Variants in FGFR3 observed in about 807,000 individuals in gnomAD.
FGFR3 encodes the protein FGFR-3.
Under a neutral mutation model 82.9 loss-of-function variants are expected in FGFR3, and 25 were observed. The ratio of observed to expected loss-of-function variants is 0.30; its 90% CI spans 0.22 to 0.42. The LOEUF is 0.42. Ranked by LOEUF, FGFR3 falls within the 10% of genes least tolerant of loss-of-function variation. FGFR3 has a pLI of 1.00. For missense variants in FGFR3, 1,026 were observed against 1,161.0 expected (o/e 0.88, Z 1.69); for synonymous variants, 620 against 516.0 (o/e 1.20, Z -2.73).
intron 14 of FGFR3, 27 bp downstream of exon 14, chr4:1,806,200 T>TG (rs747252309): frequency 6.2e-7 from 1 of 1,611,996 alleles, no homozygotes; most frequent in Admixed American, 1.7e-5. Context: ...GGTGCGGGGG[T>TG]GGGGGTCATG....
intron 2 of FGFR3, among the ~76,000 whole-genome samples, chr4:1,798,580 C>T (rs1488343922): frequency 7.3e-5 from 11 of 151,322 alleles, no homozygotes; most frequent in Non-Finnish European, 1.5e-5. Context: ...TGTGCTCTGA[C>T]CGGTGAACCC....
At position 1,806,868 on chromosome 4, in the gene FGFR3, C is replaced by G; in HGVS notation, c.2208C>G (p.Ser736=). The G allele has an allele frequency of 6.2e-7, 1 of 1,611,754 alleles. No individual in the cohort carries two copies. Among genetic ancestry groups the G allele is most frequent in the Non-Finnish European group, 8.5e-7 (1 of 1,179,606 alleles). Residue 736 remains serine (S), a synonymous_variant, in exon 17 of 18, where the codon TCC becomes TCG. Coordinates refer to ENST00000440486, the MANE Select transcript of FGFR3 (RefSeq NM_000142.5). ...IMRECWHAAP[S]QRPTFKQLVE... ...GGGAGTGCTGGCATGCCGCGCCCTC[C>G]CAGAGGCCCACCTTCAAGCAGCTGG... is the stretch of plus-strand genomic sequence containing the variant.
At chr4:1,806,771 G>C (rs2108813520) in intron 16 of FGFR3, 58 bp from the exon 17 acceptor site, 2 of 1,593,702 alleles carry the variant, frequency 1.3e-6, no homozygotes, top group East Asian at 2.3e-5. Flanking sequence ...AGCCCTTCAG[G>C]CTGTTCCCGA....
chr4:1,796,072 A>T (rs1205254226), intron 2 of FGFR3, among the ~76,000 whole-genome samples: 2 of 152,158 alleles, frequency 1.3e-5, no homozygotes, highest in African/African-American at 2.4e-5. Flanking sequence ...GGTCTCCTGG[A>T]GGACGGGGAT....
chr4:1,804,706 TC>T, intron 9 of FGFR3, 117 bp from the exon 10 acceptor site: 1 of 1,438,180 alleles, frequency 7.0e-7, no homozygotes, highest in South Asian at 1.2e-5. Context: ...CTAAAAATCT[TC>T]ATTCAATGCT....
In FGFR3 at chr4:1,793,403, G is replaced by GC. The variant is rs1333473272; in HGVS notation, c.-162dup. The stretch of plus-strand genomic sequence containing the variant: ...GCCGGAGGGACGGGGCGGGAGCTGG[G>GC]CCCGCGGACAGCGAGCCGGAGCGGG... On this transcript the variant is annotated 5_prime_UTR_variant, in exon 1 of 18. Transcript: ENST00000440486. The GC allele has an allele frequency of 6.7e-6, 1 of 148,762 alleles. No individual in the cohort carries two copies. The highest frequency in any genetic ancestry group is 1.5e-5 in the Non-Finnish European group (1 of 66,618). 9.2% of individuals were successfully genotyped at this position (148,762 alleles called of 1,614,324 possible). A position where few individuals can be genotyped will look rare whatever the true frequency, so the allele number is the denominator to read the frequency against.
chr4:1,798,042 C>G (rs1195660264), intron 2 of FGFR3, among the ~76,000 whole-genome samples: 1 of 151,452 alleles, frequency 6.6e-6, no homozygotes, highest in Non-Finnish European at 1.5e-5. Flanking sequence ...CGGCCCCAAG[C>G]CCGGGACGCC....
At chr4:1,799,624 G>A (rs1720953659) in intron 3 of FGFR3, 101 bp downstream of exon 3, 2 of 1,551,346 alleles carry the variant, frequency 1.3e-6, no homozygotes, top group Non-Finnish European at 8.7e-7. Context: ...CTGGTCATTG[G>A]TGGAGAGGAG....
chr4:1,797,347 G>A (rs1316568733), intron 2 of FGFR3, among the ~76,000 whole-genome samples: 3 of 152,176 alleles, frequency 2.0e-5, no homozygotes, highest in African/African-American at 7.2e-5. Flanking sequence ...CCCAGCCCCT[G>A]CTGGGGTACC....
At position 1,803,761 on chromosome 4, in the gene FGFR3, G is replaced by T. The variant is rs373496046; in HGVS notation, c.1000G>T (p.Ala334Ser). 2 of 1,614,088 alleles carry T rather than the reference G, an allele frequency of 1.2e-6. No individual in the cohort carries two copies. Among genetic ancestry groups the T allele is most frequent in the Non-Finnish European group, 1.7e-6 (2 of 1,180,036 alleles). ...CTTGCACAACGTCACCTTTGAGGAC[G>T]CCGGGGAGTACACCTGCCTGGCGGG... The part of the protein sequence containing the change: ...LSLHNVTFED[A>S]GEYTCLAGNS... The change falls in exon 8 of 18, where the codon GCC (alanine) becomes TCC (serine). Residue 334 changes from alanine (A) to serine (S), a missense_variant. By Grantham distance (99) the Ala-to-Ser change is moderately conservative (BLOSUM62 1). Around this residue, in one of 9 missense-constraint regions of FGFR3, gnomAD observed 256 missense variants for 217.6 expected, o/e 1.18. Coordinates refer to ENST00000440486, the MANE Select transcript of FGFR3 (RefSeq NM_000142.5).
chr4:1,801,400 A>G lies in FGFR3; in HGVS notation c.479A>G (p.Asp160Gly). ...APYWTRPERM[D>G]KKLLAVPAAN... ...TACTGGACACGGCCCGAGCGGATGG[A>G]CAAGAAGCTGCTGGCCGTGCCGGCC... The change falls in exon 5 of 18, where the codon GAC (aspartate) becomes GGC (glycine). Residue 160 changes from aspartate to glycine, a missense_variant. Physicochemically the swap from Asp to Gly is moderately conservative, Grantham distance 94. Around this residue, in one of 9 missense-constraint regions of FGFR3, gnomAD observed 147 missense variants for 228.1 expected, o/e 0.64. Transcript: ENST00000440486. 6.4e-7 allele frequency: 1 copy of G among 1,556,328 alleles called. No homozygotes were observed. Among genetic ancestry groups the G allele is most frequent in the East Asian group, 2.4e-5 (1 of 41,380 alleles).
At chr4:1,795,381 G>C (rs1276294486) in intron 2 of FGFR3, among the ~76,000 whole-genome samples, 2 of 151,882 alleles carry the variant, frequency 1.3e-5, no homozygotes, top group Non-Finnish European at 2.9e-5. Context: ...GACCCCCTGC[G>C]GGCGCGCGGG....
rs765971064 is a variant in FGFR3, at chr4:1,801,870, C to T, written c.775C>T (p.Leu259=). The change falls in exon 7 of 18, where the codon CTG becomes TTG. Residue 259 remains leucine (L), a synonymous_variant. Coordinates refer to ENST00000440486, the MANE Select transcript of FGFR3 (RefSeq NM_000142.5). The part of the protein sequence containing the change: ...SPHRPILQAG[L]PANQTAVLGS... ...GCACCGGCCCATCCTGCAGGCGGGG[C>T]TGCCGGCCAACCAGACGGCGGTGCT... The T allele has an allele frequency of 8.1e-6, 13 of 1,608,568 alleles. No individual in the cohort carries two copies. The highest frequency in any genetic ancestry group is 1.0e-5 in the Non-Finnish European group (12 of 1,177,556).
At position 1,793,921 on chromosome 4, in the gene FGFR3, C is replaced by A; in HGVS notation, c.-14C>A. The A allele has an allele frequency of 8.1e-7, 1 of 1,228,462 alleles. No homozygotes were observed. The highest frequency in any genetic ancestry group is 1.0e-6 in the Non-Finnish European group (1 of 962,880). 76.1% of individuals were successfully genotyped at this position (1,228,462 alleles called of 1,614,324 possible). On this transcript the variant is annotated 5_prime_UTR_variant, in exon 2 of 18. Transcript: ENST00000440486. The stretch of plus-strand genomic sequence containing the variant: ...CGCGCGCTGCCTGAGGACGCCGCGG[C>A]CCCCGCCCCCGCCATGGGCGCCCCT...
At chr4:1,807,006 C>A in intron 17 of FGFR3, 72 bp downstream of exon 17, 1 of 1,553,810 alleles carries the variant, frequency 6.4e-7, no homozygotes, top group Non-Finnish European at 8.7e-7. Flanking sequence ...ATCCTGCCCC[C>A]CAGAGTGCTG....
intron 17 of FGFR3, 31 bp downstream of exon 17, chr4:1,806,965 G>A (rs199590215): frequency 2.2e-5 from 35 of 1,578,090 alleles, no homozygotes; most frequent in Middle Eastern, 3.3e-4. Context: ...GGTGCCACCC[G>A]CCTATGCCCC....
rs4647926 is a variant in FGFR3, at chr4:1,804,285, T to TG, written c.1076-34dup. 0.088 allele frequency: 93,879 copies of TG among 1,066,374 alleles called. 90 individuals carry two copies. The highest frequency in any genetic ancestry group is 0.1 in the African/African-American group (6,157 of 60,526). The allele number at this position is 1,066,374 out of a possible 1,614,324, so 66.1% of individuals were successfully genotyped here. ...GCCAGGGGCATCCATGGGAGCCCCG[T>TG]GGGGGGGGGGGCCAGGCCAGGCCTC... is the stretch of plus-strand genomic sequence containing the variant. On this transcript the variant is annotated intron_variant, in intron 8 of 17. Coordinates refer to ENST00000440486, the MANE Select transcript of FGFR3 (RefSeq NM_000142.5).
chr4:1,796,775 A>G (rs1048770895), intron 2 of FGFR3, among the ~76,000 whole-genome samples: 5 of 152,162 alleles, frequency 3.3e-5, no homozygotes, highest in Admixed American at 1.3e-4. Context: ...CCAGAGACCC[A>G]GGGCAGGGAG....
chr4:1,802,813 G>C (rs1049977887), intron 7 of FGFR3: 2 of 1,414,340 alleles, frequency 1.4e-6, no homozygotes, highest in African/African-American at 1.5e-5. Flanking sequence ...GGCTGACGCA[G>C]CCCAGCCTCG....
Sources: allele counts gnomAD v4.1 joint callset (sites outside exome capture counted in the v4.1 genomes callset), GRCh38; gene constraint gnomAD v4.1.1; regional missense constraint gnomAD v4.1.1; transcripts MANE v1.5; gene names NCBI Gene and HGNC (gene_info 2026-07-23, HGNC 2026-07-21).